The following GLIS3 variants were observed in gnomAD, a reference collection of about 807,000 sequenced individuals.
GLIS3 encodes the protein zinc finger protein GLIS3.
GLIS3 carries 53 observed loss-of-function variants against 78.6 expected under a neutral mutation model. That is an observed-to-expected ratio of 0.67 (90% confidence interval 0.54 to 0.85). GLIS3 has a LOEUF of 0.85. GLIS3 is among the 40% of genes least tolerant of loss of function. The pLI is 0.00. For missense variants in GLIS3, 1,703 were observed against 1,231.1 expected, an observed-to-expected ratio of 1.38 and a Z score of -5.74; for synonymous variants, 684 against 509.9, an observed-to-expected ratio of 1.34 and a Z score of -4.60.
At chr9:4,342,550 T>G (rs1408491651) in intron 2 of GLIS3, among the ~76,000 whole-genome samples, 1 of 152,234 alleles carries the variant, frequency 6.6e-6, no homozygotes, top group African/African-American at 2.4e-5. Context: ...ATTCTAACTT[T>G]TTGCTTAGAA....
chr9:4,093,427 G>C (rs1829688379), intron 4 of GLIS3, among the ~76,000 whole-genome samples: 2 of 152,234 alleles, frequency 1.3e-5, no homozygotes, highest in South Asian at 4.1e-4. Context: ...AGCAGACTCA[G>C]AGACTCGGTA....
At chr9:4,413,887 T>C in the GLIS3 span, among the ~76,000 whole-genome samples, 2 of 152,332 alleles carry the variant, frequency 1.3e-5, no homozygotes, top group Middle Eastern at 3.4e-3. Flanking sequence ...AATGAGGTTC[T>C]GGCTATCCAA....
chr9:3,843,159 C>T (rs1291474871), intron 9 of GLIS3, among the ~76,000 whole-genome samples: 3 of 152,158 alleles, frequency 2.0e-5, no homozygotes, highest in Non-Finnish European at 4.4e-5. Flanking sequence ...CTTCTGTTGT[C>T]CAGCTGTAAC....
chr9:3,995,704 C>CT (rs1421196742), intron 4 of GLIS3, among the ~76,000 whole-genome samples: 13 of 151,858 alleles, frequency 8.6e-5, no homozygotes, highest in African/African-American at 2.9e-4. Context: ...GAAGACACAG[C>CT]TAAAGAGAGA....
intron 4 of GLIS3, among the ~76,000 whole-genome samples, chr9:4,113,593 A>G (rs1831400020): frequency 6.6e-6 from 1 of 152,220 alleles, no homozygotes; most frequent in Non-Finnish European, 1.5e-5. Flanking sequence ...CTCTGGTCAT[A>G]GACCACATCA....
At chr9:4,408,273 G>A in the GLIS3 span, among the ~76,000 whole-genome samples, 3 of 152,032 alleles carry the variant, frequency 2.0e-5, no homozygotes, top group Non-Finnish European at 4.4e-5. Flanking sequence ...GTATATATCC[G>A]AAAGAAAGGA....
chr9:4,117,690 C>A lies in GLIS3; in HGVS notation c.1710+78G>T. On this transcript the variant is annotated intron_variant, in intron 4 of 10. Transcript: ENST00000381971. ...CCCCACGCATGCAAACTCCATGGGC[C>A]GAGTTAGGAAAAAACACACGTACGC... The A allele has an allele frequency of 4.5e-6, 7 of 1,554,292 alleles. No individual in the cohort carries two copies. In the South Asian group the frequency reaches 7.8e-5, roughly 17 times the overall value.
At chr9:4,028,235 G>A (rs1221365938) in intron 4 of GLIS3, among the ~76,000 whole-genome samples, 1 of 152,134 alleles carries the variant, frequency 6.6e-6, no homozygotes, top group African/African-American at 2.4e-5. Context: ...TTCTCCATCT[G>A]CAAGATGGTG....
chr9:4,272,422 G>A (rs1200516467), intron 2 of GLIS3, among the ~76,000 whole-genome samples: 3 of 152,030 alleles, frequency 2.0e-5, no homozygotes, highest in African/African-American at 7.2e-5. Context: ...ACATCCTATG[G>A]AAATATTTAG....
chr9:4,440,535 G>C, the GLIS3 span, among the ~76,000 whole-genome samples: 2 of 152,088 alleles, frequency 1.3e-5, no homozygotes, highest in Non-Finnish European at 2.9e-5. Flanking sequence ...TGTTCCATTA[G>C]TTTGTCTGTT....
At chr9:4,072,240 G>C (rs1827674326) in intron 4 of GLIS3, among the ~76,000 whole-genome samples, 2 of 152,102 alleles carry the variant, frequency 1.3e-5, no homozygotes, top group South Asian at 2.1e-4. Context: ...TATTAGTTAG[G>C]CTTGACCATT....
At chr9:4,356,300 AGT>A in the GLIS3 span, among the ~76,000 whole-genome samples, 5 of 152,174 alleles carry the variant, frequency 3.3e-5, no homozygotes, top group Non-Finnish European at 5.9e-5. Flanking sequence ...GGTATGTGCA[AGT>A]GATCCAGTGT....
chr9:3,916,398 C>T (rs1344522682), intron 6 of GLIS3, among the ~76,000 whole-genome samples: 2 of 152,240 alleles, frequency 1.3e-5, no homozygotes, highest in African/African-American at 2.4e-5. Context: ...GTAACAATAA[C>T]AGCAAACCGG....
At chr9:4,458,613 T>C in the GLIS3 span, among the ~76,000 whole-genome samples, 5 of 151,904 alleles carry the variant, frequency 3.3e-5, no homozygotes, top group African/African-American at 1.2e-4. Flanking sequence ...CATAGTGAAA[T>C]CCCATCTCTA....
rs560815669 is a variant in GLIS3 at position 4,202,080 on chromosome 9, G to C, written c.389-76139C>G. Among the ~76,000 whole-genome samples, 15 of 152,106 alleles carry C rather than the reference G, an allele frequency of 9.9e-5. No individual in the cohort carries two copies. In the East Asian group the frequency reaches 2.3e-3, roughly 24 times the overall value. On this transcript the variant is annotated intron_variant, in intron 2 of 10. Transcript: ENST00000381971. ...TTGAACCCGGGAGACGGAGGTTGCAGTGAGCCAAGGTCACGCCACTACAGT... is the reference window on the plus strand; with the variant it reads ...TTGAACCCGGGAGACGGAGGTTGCACTGAGCCAAGGTCACGCCACTACAGT...
chr9:4,187,916 T>C lies in GLIS3; in HGVS notation c.389-61975A>G, dbSNP rs565481851. ...TTTGGGCGGAGACCATGGGGTTTTCTAGATATACAATCATGTCATCTGCAA... is the reference window on the plus strand; with the variant it reads ...TTTGGGCGGAGACCATGGGGTTTTCCAGATATACAATCATGTCATCTGCAA... On this transcript the variant is annotated intron_variant, in intron 2 of 10. Transcript: ENST00000381971. 3.9e-5 allele frequency among the ~76,000 whole-genome samples: 6 copies of C among 152,146 alleles called. No individual in the cohort carries two copies. The East Asian group carries it at 1.2e-3, about 29-fold the overall frequency.
At chr9:4,422,014 G>C in the GLIS3 span, among the ~76,000 whole-genome samples, 1 of 152,288 alleles carries the variant, frequency 6.6e-6, no homozygotes, top group East Asian at 1.9e-4. Context: ...AAGGTCCTGT[G>C]CCTCTGTCAC....
chr9:4,227,112 G>C (rs542379304), intron 2 of GLIS3, among the ~76,000 whole-genome samples: 1 of 152,262 alleles, frequency 6.6e-6, no homozygotes, highest in African/African-American at 2.4e-5. Flanking sequence ...TTGCAGATGG[G>C]CACGGGCACA....
In GLIS3 at chr9:4,286,312, A is replaced by T. The variant is rs370797710; in HGVS notation, c.114T>A (p.Pro38=). The T allele has an allele frequency of 1.3e-4, 208 of 1,614,224 alleles. No individual in the cohort carries two copies. The highest frequency in any genetic ancestry group is 7.0e-4 in the South Asian group (64 of 91,088). Residue 38 remains proline, a synonymous_variant, in exon 2 of 11, where the codon CCT becomes CCA. Transcript: ENST00000381971. ...IPAIRAHSGT[P]GPSPCGSTSS... Reference sequence around the variant, plus strand: ...ATGTGCTGCCACAGGGCGAGGGGCCAGGAGTCCCGGAGTGGGCTCGGATGG... The same window carrying T: ...ATGTGCTGCCACAGGGCGAGGGGCCTGGAGTCCCGGAGTGGGCTCGGATGG...
Sources: allele counts gnomAD v4.1 joint callset (sites outside exome capture counted in the v4.1 genomes callset), GRCh38; gene constraint gnomAD v4.1.1; transcripts MANE v1.5; gene names NCBI Gene and HGNC (gene_info 2026-07-23, HGNC 2026-07-21).